ABL1: variants seen among roughly 807,000 people sequenced by gnomAD.
The protein encoded by ABL1 is tyrosine-protein kinase ABL1.
ABL1 carries 11 observed loss-of-function variants against 94.7 expected under a neutral mutation model. That is an observed-to-expected ratio of 0.12 (90% CI 0.07 to 0.19). The LOEUF is 0.19. ABL1 is among the 10% of genes least tolerant of loss of function. ABL1 has a pLI of 1.00. For synonymous variants in ABL1, 656 were observed against 622.4 expected, an observed-to-expected ratio of 1.05 and a Z score of -0.80; for missense variants, 1,082 against 1,489.4, an observed-to-expected ratio of 0.73 and a Z score of 4.50.
intron 1 of ABL1, among the ~76,000 whole-genome samples, chr9:130,752,820 G>A (rs1262597058): frequency 6.6e-6 from 1 of 152,084 alleles, no homozygotes; most frequent in African/African-American, 2.4e-5. Flanking sequence ...ATAGCTGAAC[G>A]TGGTGGCGAA....
intron 3 of ABL1, among the ~76,000 whole-genome samples, chr9:130,857,429 G>T (rs1386007346): frequency 6.6e-6 from 1 of 152,152 alleles, no homozygotes; most frequent in African/African-American, 2.4e-5. Flanking sequence ...GGCATATTTT[G>T]GGTCATCTTT....
intron 1 of ABL1, among the ~76,000 whole-genome samples, chr9:130,853,376 G>A (rs1036792343): frequency 1.3e-5 from 2 of 149,178 alleles, no homozygotes; most frequent in African/African-American, 2.5e-5. Context: ...GGATTTCACT[G>A]TGTTGGTCAG....
At position 130,855,195 on chromosome 9, in the gene ABL1, G is replaced by C; in HGVS notation, c.549+99G>C. ...AATTATTGCAAGAAAGCTCAACCAA[G>C]AAGATGTTTAAAGAATCTTTCAGGT... On this transcript the variant is annotated intron_variant, in intron 3 of 10. Transcript: ENST00000318560. 2.2e-6 allele frequency: 3 copies of C among 1,366,886 alleles called. No individual in the cohort carries two copies. The South Asian group carries it at 4.2e-5, about 19-fold the overall frequency. 84.7% of individuals were successfully genotyped at this position (1,366,886 alleles called of 1,614,324 possible).
chr9:130,820,711 G>A (rs1263119758), intron 1 of ABL1, among the ~76,000 whole-genome samples: 4 of 152,168 alleles, frequency 2.6e-5, no homozygotes, highest in African/African-American at 9.7e-5. Flanking sequence ...GAACTGAGCA[G>A]CCCTCACTGG....
intron 1 of ABL1, among the ~76,000 whole-genome samples, chr9:130,813,429 C>T (rs1458600446): frequency 7.2e-6 from 1 of 139,496 alleles, no homozygotes; most frequent in Non-Finnish European, 1.6e-5. Flanking sequence ...GGCATGGTGG[C>T]GCTCACCTGT....
intron 1 of ABL1, among the ~76,000 whole-genome samples, chr9:130,738,480 G>A (rs572175253): frequency 6.6e-6 from 1 of 152,254 alleles, no homozygotes; most frequent in Admixed American, 6.5e-5. Context: ...TTGTGTGCAT[G>A]AAGAAGAACA....
intron 4 of ABL1, among the ~76,000 whole-genome samples, chr9:130,869,798 A>G (rs1482534862): frequency 1.3e-5 from 2 of 152,200 alleles, no homozygotes; most frequent in Non-Finnish European, 2.9e-5. Flanking sequence ...TAACACAACT[A>G]CAAACGTAGG....
At chr9:130,735,094 A>T (rs1273146861) in intron 1 of ABL1, among the ~76,000 whole-genome samples, 1 of 151,988 alleles carries the variant, frequency 6.6e-6, no homozygotes, top group African/African-American at 2.4e-5. Flanking sequence ...CAATGGCATG[A>T]TCTTGGCTTA....
At chr9:130,736,291 T>A (rs571421600) in intron 1 of ABL1, among the ~76,000 whole-genome samples, 8 of 152,054 alleles carry the variant, frequency 5.3e-5, no homozygotes, top group African/African-American at 1.9e-4. Context: ...TGGTAGATAT[T>A]TCCACATTTT....
Position 130,872,073 on chromosome 9 carries a change from A to G in ABL1, c.823-56A>G. On this transcript the variant is annotated intron_variant, in intron 4 of 10. Coordinates refer to ENST00000318560, the MANE Select transcript of ABL1 (RefSeq NM_005157.6). This position sits in a 1 kb window ranked among gnomAD's most constrained non-coding sequence, Gnocchi z 5.0. ...TTTTGCATTAACTAGTCAAGTACTT[A>G]CCCACTGAAAAGCACTTCCTGAAAT... The G allele has an allele frequency of 6.6e-7, 1 of 1,516,126 alleles. No homozygotes were observed. The highest frequency in any genetic ancestry group is 9.1e-7 in the Non-Finnish European group (1 of 1,094,438). The allele number at this position is 1,516,126 out of a possible 1,614,324, so 93.9% of individuals were successfully genotyped here.
At chr9:130,759,963 ATTTTTT>A (rs34154339) in intron 1 of ABL1, among the ~76,000 whole-genome samples, 2 of 93,024 alleles carry the variant, frequency 2.1e-5, no homozygotes, top group Non-Finnish European at 4.0e-5. Context: ...AGGTAATTTA[ATTTTTT>A]TTTTTTTTTT....
chr9:130,719,182 A>G (rs1263581151), intron 1 of ABL1, among the ~76,000 whole-genome samples: 2 of 152,138 alleles, frequency 1.3e-5, no homozygotes, highest in Non-Finnish European at 2.9e-5. Context: ...TGATGTTCCA[A>G]GTGTCTTTTT....
intron 1 of ABL1, among the ~76,000 whole-genome samples, chr9:130,827,818 T>C (rs1448158178): frequency 1.3e-5 from 2 of 151,772 alleles, no homozygotes; most frequent in Non-Finnish European, 2.9e-5. Flanking sequence ...TGCTTGAACC[T>C]GGGAGGCATA....
rs1831574778 is a variant in ABL1 at position 130,885,931 on chromosome 9, C to T, written c.*248C>T. 2 of 537,716 alleles carry T rather than the reference C, an allele frequency of 3.7e-6. No individual in the cohort carries two copies. Among genetic ancestry groups the T allele is most frequent in the Non-Finnish European group, 6.5e-6 (2 of 309,436 alleles). The allele number at this position is 537,716 out of a possible 1,614,324, so 33.3% of individuals were successfully genotyped here. On this transcript the variant is annotated 3_prime_UTR_variant, in exon 11 of 11. Transcript: ENST00000318560. ...TCGAATTTTATCTGTGGAGTTCCTG[C>T]TCCGTGGACTGCAGTCGGCATGCCA...
intron 1 of ABL1, among the ~76,000 whole-genome samples, chr9:130,829,855 G>T (rs1830473296): frequency 6.6e-6 from 1 of 152,108 alleles, no homozygotes; most frequent in Non-Finnish European, 1.5e-5. Context: ...TTATTGTTTT[G>T]GGGGGTTATG....
chr9:130,852,676 T>C (rs1198469920), intron 1 of ABL1, among the ~76,000 whole-genome samples: 1 of 151,850 alleles, frequency 6.6e-6, no homozygotes, highest in Non-Finnish European at 1.5e-5. Context: ...TTGAGCCCTG[T>C]TCAAAAAAAA....
At chr9:130,821,022 C>T (rs1210192857) in intron 1 of ABL1, among the ~76,000 whole-genome samples, 1 of 152,016 alleles carries the variant, frequency 6.6e-6, no homozygotes, top group Non-Finnish European at 1.5e-5. Flanking sequence ...CTCCACCTCC[C>T]GGGTTCAAGC....
chr9:130,718,013 CAAA>C (rs35216676), intron 1 of ABL1, among the ~76,000 whole-genome samples: 2 of 131,434 alleles, frequency 1.5e-5, no homozygotes, highest in Non-Finnish European at 3.3e-5. Context: ...ACTCTTGTCT[CAAA>C]AAAAAAAAAA....
intron 1 of ABL1, among the ~76,000 whole-genome samples, chr9:130,745,598 A>G (rs1339866523): frequency 1.3e-5 from 2 of 151,788 alleles, no homozygotes; most frequent in Non-Finnish European, 2.9e-5. Context: ...TGAGGGGAAA[A>G]TGACCTTCAC....
Sources: allele counts gnomAD v4.1 joint callset (sites outside exome capture counted in the v4.1 genomes callset), GRCh38; gene constraint gnomAD v4.1.1; non-coding constraint Gnocchi (gnomAD v3.1); transcripts MANE v1.5; gene names NCBI Gene and HGNC (gene_info 2026-07-23, HGNC 2026-07-21).